Variants in SRP19 observed in about 807,000 individuals in gnomAD.
SRP19 encodes signal recognition particle 19 kDa protein.
A neutral mutation model predicts 22.4 loss-of-function variants in SRP19; 11 were observed. That is an observed-to-expected ratio of 0.49 (90% CI 0.31 to 0.81). The LOEUF (loss-of-function observed/expected upper bound fraction) is 0.81. SRP19 is among the 40% of genes least tolerant of loss of function. The pLI is 0.05. For missense variants in SRP19, 168 were observed against 175.9 expected, an observed-to-expected ratio of 0.96 and a Z score of 0.25; for synonymous variants, 61 against 57.6, an observed-to-expected ratio of 1.06 and a Z score of -0.27.
intron 4 of SRP19, among the ~76,000 whole-genome samples, chr5:112,875,187 T>C (rs1028655205): frequency 6.6e-6 from 1 of 152,198 alleles, no homozygotes; most frequent in African/African-American, 2.4e-5. Context: ...ACTTTTAATA[T>C]CCTCAAATAT....
At chr5:112,878,937 T>G (rs1024330197) in intron 4 of SRP19, 2 of 1,571,080 alleles carry the variant, frequency 1.3e-6, no homozygotes, top group African/African-American at 2.7e-5. Context: ...ATAACAAAAC[T>G]TGGATGACTC....
chr5:112,873,536 G>A (rs569395507), downstream of SRP19, among the ~76,000 whole-genome samples: 13 of 151,322 alleles, frequency 8.6e-5, no homozygotes, highest in South Asian at 4.2e-4. Context: ...TAGTAGAGAC[G>A]GGGTTTCTCC....
At chr5:112,877,292 T>TAATC (rs1224201264) in intron 4 of SRP19, 1 of 152,346 alleles carries the variant, frequency 6.6e-6, no homozygotes, top group Admixed American at 6.5e-5. Flanking sequence ...CAAGGTGAGC[T>TAATC]AATCATCTTT....
intron 4 of SRP19, among the ~76,000 whole-genome samples, chr5:112,880,682 T>G (rs1203170197): frequency 6.6e-6 from 1 of 152,222 alleles, no homozygotes; most frequent in African/African-American, 2.4e-5. Context: ...TATTTAGGAA[T>G]GTGTCATAAC....
chr5:112,873,219 T>C (rs1767795451), downstream of SRP19, among the ~76,000 whole-genome samples: 1 of 150,922 alleles, frequency 6.6e-6, no homozygotes, highest in African/African-American at 2.4e-5. Context: ...CTGACCTTTC[T>C]TGGTACTCTT....
chr5:112,885,622 TC>T (rs894916584), intron 4 of SRP19: 6 of 285,786 alleles, frequency 2.1e-5, no homozygotes, highest in African/African-American at 1.1e-4. Context: ...CAAATGTCCT[TC>T]CCCAGGGTCT....
chr5:112,895,368 G>A (rs978395809), downstream of SRP19: 3 of 151,766 alleles, frequency 2.0e-5, no homozygotes, highest in Admixed American at 6.6e-5. Flanking sequence ...TGAAGAAAGT[G>A]TACAATAGAA....
intron 4 of SRP19, among the ~76,000 whole-genome samples, chr5:112,883,691 G>A (rs1421405542): frequency 6.6e-6 from 1 of 152,136 alleles, no homozygotes; most frequent in East Asian, 1.9e-4. Context: ...CTTGACACCT[G>A]TATCCAACTA....
At chr5:112,890,854 G>A (rs1041802870) in intron 4 of SRP19, among the ~76,000 whole-genome samples, 3 of 150,428 alleles carry the variant, frequency 2.0e-5, no homozygotes, top group African/African-American at 7.4e-5. Context: ...ACTTAAGTCT[G>A]GTTTTTCCTC....
intron 4 of SRP19, chr5:112,877,888 T>C (rs918285997): frequency 1.3e-5 from 2 of 152,186 alleles, no homozygotes; most frequent in East Asian, 1.9e-4. Context: ...ATGGTTTCCA[T>C]TGTAGCATCT....
chr5:112,885,593 T>C (rs573665280), intron 4 of SRP19: 2 of 271,224 alleles, frequency 7.4e-6, no homozygotes, highest in South Asian at 5.4e-5. Context: ...CTGGACAACT[T>C]AGACCCACTA....
downstream of SRP19, among the ~76,000 whole-genome samples, chr5:112,871,876 A>G (rs942281979): frequency 6.6e-6 from 1 of 152,194 alleles, no homozygotes; most frequent in Non-Finnish European, 1.5e-5. Context: ...TAGCTGAAAA[A>G]GGGAATCTTA....
At chr5:112,892,111 T>C (rs771419377) in exon 5 of SRP19, 45 of 1,613,878 alleles carry the variant, frequency 2.8e-5, no homozygotes, top group Middle Eastern at 1.6e-4. Context: ...TAGTACCACA[T>C]GGCAAAACCC....
exon 5 of SRP19, chr5:112,892,522 C>T (rs764585883): frequency 5.9e-5 from 96 of 1,613,986 alleles, no homozygotes; most frequent in Non-Finnish European, 7.5e-5. Context: ...GTTTAACGGA[C>T]GATGGTATGC....
At chr5:112,862,376 GGA>G in intron 1 of SRP19, 130 bp from the exon 2 acceptor site, 3 of 106,222 alleles carry the variant, frequency 2.8e-5, no homozygotes, top group Admixed American at 2.4e-4. Context: ...CGCAGAAAAA[GGA>G]GGGGTTGAAA....
At chr5:112,892,159 C>T (rs750379852) in exon 5 of SRP19, 5 of 1,613,978 alleles carry the variant, frequency 3.1e-6, no homozygotes, top group East Asian at 2.2e-5. Flanking sequence ...GGAGAAGGAT[C>T]GAGCTAATTG....
rs1279440666 is a variant in SRP19 at position 112,878,920 on chromosome 5, C to G, written c.302-12683C>G. ...CTTGCAAGCTTTGTGCCTAATGTAGCTACTAGATAACAAAACTTGGATGAC... is the reference window on the plus strand; with the variant it reads ...CTTGCAAGCTTTGTGCCTAATGTAGGTACTAGATAACAAAACTTGGATGAC... On this transcript the variant is annotated intron_variant, in intron 4 of 4. Transcript: ENST00000391338. 3.7e-6 allele frequency: 6 copies of G among 1,600,114 alleles called. No homozygotes were observed. In the African/African-American group the frequency reaches 5.4e-5, roughly 14 times the overall value.
At chr5:112,896,139 A>G (rs1479256425), downstream of SRP19, 1 of 152,680 alleles carries the variant, frequency 6.5e-6, no homozygotes, top group African/African-American at 2.4e-5. Flanking sequence ...GTTACAGGCT[A>G]CATTGCTCAG....
At chr5:112,878,308 C>A in intron 4 of SRP19, 1 of 156,168 alleles carries the variant, frequency 6.4e-6, no homozygotes, top group Non-Finnish European at 1.4e-5. Context: ...GAGCATGATG[C>A]ATGTTGTAGT....
Sources: allele counts gnomAD v4.1 joint callset (sites outside exome capture counted in the v4.1 genomes callset), GRCh38; gene constraint gnomAD v4.1.1; transcripts MANE v1.5; gene names NCBI Gene and HGNC (gene_info 2026-07-23, HGNC 2026-07-21).